Variants in CCDC170 observed in about 807,000 individuals in gnomAD.
CCDC170 encodes coiled-coil domain containing 170.
CCDC170 carries 69 observed loss-of-function variants against 72.6 expected under a neutral mutation model. The ratio of observed to expected loss-of-function variants is 0.95; its 90% CI spans 0.78 to 1.16. The LOEUF (loss-of-function observed/expected upper bound fraction) is 1.16, where lower values mean the gene tolerates loss of function less well. CCDC170 is among the 50% of genes most tolerant of loss of function. The pLI is 0.00. For synonymous variants in CCDC170, 300 were observed against 303.9 expected (o/e 0.99, Z 0.13); for missense variants, 852 against 832.5 (o/e 1.02, Z -0.29).
At chr6:151,528,840 A>T (rs958481416) in intron 1 of CCDC170, among the ~76,000 whole-genome samples, 3 of 151,782 alleles carry the variant, frequency 2.0e-5, no homozygotes, top group African/African-American at 7.3e-5. Context: ...TCTGTCTCAA[A>T]ATATATATAT....
intron 3 of CCDC170, among the ~76,000 whole-genome samples, chr6:151,542,837 A>G (rs1430855500): frequency 6.6e-6 from 1 of 152,202 alleles, no homozygotes; most frequent in Admixed American, 6.5e-5. Flanking sequence ...ATCAATCAGC[A>G]CCATACAATT....
intron 3 of CCDC170, 35 bp from the exon 4 acceptor site, chr6:151,544,537 G>A (rs1782741923): frequency 6.3e-7 from 1 of 1,587,816 alleles, no homozygotes; most frequent in East Asian, 2.3e-5. Context: ...CTTCCATGGT[G>A]TTAAATTCTG....
rs1414695840 is a variant in CCDC170 at position 151,573,154 on chromosome 6, ACTTTCTGTAAT to A, written c.775-18_775-8del. 6.3e-7 allele frequency: 1 copy of A among 1,591,608 alleles called. No individual in the cohort carries two copies. Among genetic ancestry groups the A allele is most frequent in the African/African-American group, 1.4e-5 (1 of 73,838 alleles). On this transcript the variant is annotated splice_polypyrimidine_tract_variant and intron_variant, in intron 5 of 10. Transcript: ENST00000239374. ...GTTGACTTCTAATGGTATTGTCTTC[ACTTTCTGTAAT>A]CATTTTAGGACCTGCTCAGTGCTGT... is the stretch of plus-strand genomic sequence containing the variant.
chr6:151,512,825 C>T (rs1219193095), intron 1 of CCDC170, among the ~76,000 whole-genome samples: 6 of 152,168 alleles, frequency 3.9e-5, no homozygotes, highest in African/African-American at 1.4e-4. Context: ...ACTAATGTTA[C>T]TACTATGATT....
intron 1 of CCDC170, among the ~76,000 whole-genome samples, chr6:151,529,840 C>T (rs368096225): frequency 2.6e-4 from 39 of 152,104 alleles, no homozygotes; most frequent in South Asian, 1.7e-3. Context: ...AAGTTTATTC[C>T]GTTCATAGTT....
At chr6:151,572,653 T>TTTTTGTTTTG (rs1554223886) in intron 5 of CCDC170, among the ~76,000 whole-genome samples, 3 of 100,510 alleles carry the variant, frequency 3.0e-5, no homozygotes, top group East Asian at 3.4e-4. Flanking sequence ...CTCTGTGTTT[T>TTTTTGTTTTG]TTTTTTTTTT....
chr6:151,559,595 GT>G (rs922977942), intron 5 of CCDC170, among the ~76,000 whole-genome samples: 8 of 152,108 alleles, frequency 5.3e-5, no homozygotes, highest in Non-Finnish European at 7.4e-5. Flanking sequence ...AGCTTTAAGA[GT>G]TTTTTTGGTG....
At chr6:151,587,628 T>TTGAGGCA (rs1397192215) in intron 7 of CCDC170, among the ~76,000 whole-genome samples, 4 of 152,262 alleles carry the variant, frequency 2.6e-5, no homozygotes, top group Admixed American at 2.6e-4. Context: ...CATGCCTGCA[T>TTGAGGCA]TGAGGTTGGA....
At chr6:151,558,994 T>A (rs571798238) in intron 5 of CCDC170, among the ~76,000 whole-genome samples, 17 of 149,634 alleles carry the variant, frequency 1.1e-4, no homozygotes, top group African/African-American at 2.5e-4. Flanking sequence ...ATGTGGTCAT[T>A]TAACAACATT....
intron 6 of CCDC170, among the ~76,000 whole-genome samples, chr6:151,581,975 C>G (rs1258869354): frequency 6.6e-6 from 1 of 152,160 alleles, no homozygotes; most frequent in Admixed American, 6.5e-5. Flanking sequence ...CTTTGCTGTT[C>G]CATTTCTAGA....
intron 9 of CCDC170, among the ~76,000 whole-genome samples, chr6:151,612,922 C>T (rs903285025): frequency 6.7e-6 from 1 of 149,500 alleles, no homozygotes; most frequent in Non-Finnish European, 1.5e-5. Context: ...TGTCAGGAAG[C>T]GCAAGACTAA....
intron 5 of CCDC170, among the ~76,000 whole-genome samples, chr6:151,567,199 G>A (rs767778613): frequency 3.0e-4 from 46 of 152,254 alleles, no homozygotes; most frequent in Non-Finnish European, 4.1e-4. Context: ...GATTACAGGC[G>A]TGAGTCACCG....
chr6:151,547,644 AAG>A (rs2115057815), intron 4 of CCDC170, among the ~76,000 whole-genome samples: 1 of 152,220 alleles, frequency 6.6e-6, no homozygotes, highest in African/African-American at 2.4e-5. Flanking sequence ...GAGGGGTCTC[AAG>A]TCACCCTACA....
At chr6:151,520,125 A>G (rs1782296014) in intron 1 of CCDC170, among the ~76,000 whole-genome samples, 1 of 152,210 alleles carries the variant, frequency 6.6e-6, no homozygotes, top group Non-Finnish European at 1.5e-5. Flanking sequence ...CATTCACTTA[A>G]TTCTACAAAT....
chr6:151,586,228 G>A (rs916638254), intron 7 of CCDC170, 139 bp downstream of exon 7: 3 of 795,744 alleles, frequency 3.8e-6, no homozygotes, highest in Non-Finnish European at 2.0e-6. Context: ...AAGGAACAAT[G>A]GGTTTGGAGC....
intron 6 of CCDC170, among the ~76,000 whole-genome samples, chr6:151,576,379 G>A (rs1420915012): frequency 1.3e-5 from 2 of 151,996 alleles, no homozygotes; most frequent in Non-Finnish European, 1.5e-5. Flanking sequence ...ACCATTCGTC[G>A]AGGAGCATCT....
At chr6:151,593,662 G>C (rs1421083299) in intron 8 of CCDC170, among the ~76,000 whole-genome samples, 1 of 152,122 alleles carries the variant, frequency 6.6e-6, no homozygotes. Flanking sequence ...CCCATCCCTA[G>C]GGTGATCCTT....
intron 8 of CCDC170, among the ~76,000 whole-genome samples, chr6:151,595,699 C>G (rs1395048379): frequency 6.6e-6 from 1 of 152,054 alleles, no homozygotes; most frequent in East Asian, 1.9e-4. Context: ...CATCACAAGT[C>G]CCAGCTACTT....
At chr6:151,550,685 G>A (rs1048518685) in intron 5 of CCDC170, among the ~76,000 whole-genome samples, 5 of 152,092 alleles carry the variant, frequency 3.3e-5, no homozygotes, top group East Asian at 1.9e-4. Context: ...TCTGGAGGCC[G>A]GGAAATCCAA....
Sources: gnomAD v4.1 joint callset for allele counts (sites outside exome capture counted in the v4.1 genomes callset) on GRCh38, gnomAD v4.1.1 for gene constraint, MANE v1.5 for transcripts, NCBI Gene and HGNC (gene_info 2026-07-23, HGNC 2026-07-21) for gene names.